The following ZNF395 variants were observed in gnomAD, a reference collection of about 807,000 sequenced individuals.
The protein encoded by ZNF395 is HD gene regulatory region-binding protein 2.
In ZNF395, 20 loss-of-function variants were observed where a neutral mutation model predicts 57.7. The ratio of observed to expected loss-of-function variants is 0.35; its 90% confidence interval spans 0.24 to 0.50. The LOEUF is 0.50. Ranked by LOEUF, ZNF395 falls within the 20% of genes least tolerant of loss-of-function variation. The pLI is 0.97. For missense variants in ZNF395, 606 were observed against 671.2 expected (o/e 0.90, Z 1.07); for synonymous variants, 295 against 275.9 (o/e 1.07, Z -0.69).
intron 1 of ZNF395, among the ~76,000 whole-genome samples, chr8:28,369,655 A>G (rs1378143288): frequency 1.3e-5 from 2 of 152,112 alleles, no homozygotes; most frequent in Non-Finnish European, 2.9e-5. Context: ...CCTGAATCTC[A>G]GCCTTGGGGC....
chr8:28,372,348 T>C (rs1801987435), intron 1 of ZNF395, among the ~76,000 whole-genome samples: 1 of 152,034 alleles, frequency 6.6e-6, no homozygotes, highest in Admixed American at 6.6e-5. Context: ...GCGCGATAAA[T>C]GCTGACCTGA....
intron 1 of ZNF395, chr8:28,385,123 C>G (rs2130006064): frequency 6.6e-6 from 1 of 152,376 alleles, no homozygotes; most frequent in African/African-American, 2.4e-5. Flanking sequence ...AAAGGGGGTT[C>G]TAAGAAAAGC....
intron 3 of ZNF395, among the ~76,000 whole-genome samples, chr8:28,358,178 G>A (rs1801805735): frequency 9.3e-6 from 1 of 106,988 alleles, no homozygotes; most frequent in Non-Finnish European, 1.8e-5. Flanking sequence ...TTTTTGAGAT[G>A]CAGTCTCACT....
At chr8:28,353,070 ACTAT>A (rs1398482949) in intron 5 of ZNF395, 99 bp downstream of exon 5, 1 of 1,081,446 alleles carries the variant, frequency 9.2e-7, no homozygotes, top group African/African-American at 1.6e-5. Context: ...TGAACCCAAG[ACTAT>A]CTAGGGCCTG....
rs1457672300 is a variant in ZNF395 at position 28,345,672 on chromosome 8, A to G, written c.*3047T>C. 1 of 152,238 alleles carries G rather than the reference A, an allele frequency of 6.6e-6. No individual in the cohort carries two copies. Among genetic ancestry groups the G allele is most frequent in the Admixed American group, 6.6e-5 (1 of 15,226 alleles). The allele number at this position is 152,238 out of a possible 1,614,324, so 9.4% of individuals were successfully genotyped here. The stretch of plus-strand genomic sequence containing the variant: ...ACATTACATTTCACATTTTTAAAAA[A>G]TTTTTTAACAGTAAAAATAATACTT... On this transcript the variant is annotated 3_prime_UTR_variant, in exon 10 of 10. Coordinates refer to ENST00000344423, the MANE Select transcript of ZNF395 (RefSeq NM_018660.3).
At chr8:28,354,210 C>T (rs116860912) in intron 4 of ZNF395, among the ~76,000 whole-genome samples, 16 of 152,296 alleles carry the variant, frequency 1.1e-4, no homozygotes, top group Admixed American at 6.5e-4. Context: ...AGCAGGAGGA[C>T]GGGCATCAGC....
chr8:28,358,259 G>A (rs58738185), intron 3 of ZNF395, among the ~76,000 whole-genome samples: 15,387 of 148,108 alleles, frequency 0.1, 993 homozygotes, highest in East Asian at 0.3. Flanking sequence ...ACAGGCATGC[G>A]CCACCATGCC....
intron 2 of ZNF395, among the ~76,000 whole-genome samples, chr8:28,360,086 T>C (rs1368702485): frequency 6.6e-6 from 1 of 152,228 alleles, no homozygotes; most frequent in Non-Finnish European, 1.5e-5. Flanking sequence ...GGACTTTCTC[T>C]GAATCTAGAA....
At chr8:28,382,962 T>A (rs1585867850) in intron 1 of ZNF395, among the ~76,000 whole-genome samples, 1 of 152,222 alleles carries the variant, frequency 6.6e-6, no homozygotes, top group East Asian at 1.9e-4. Flanking sequence ...TTTATATACA[T>A]GATTGTATGT....
At chr8:28,367,939 A>T (rs139440182) in intron 1 of ZNF395, among the ~76,000 whole-genome samples, 153 of 152,320 alleles carry the variant, frequency 1.0e-3, no homozygotes, top group African/African-American at 3.6e-3. Context: ...AAACAGGTAG[A>T]CAGAAGGAAG....
chr8:28,379,642 G>A (rs980162620), intron 1 of ZNF395, among the ~76,000 whole-genome samples: 1 of 152,014 alleles, frequency 6.6e-6, no homozygotes, highest in Non-Finnish European at 1.5e-5. Flanking sequence ...TGCCAACCTG[G>A]GGTCAAAGAC....
chr8:28,369,667 C>G (rs997328826), intron 1 of ZNF395, among the ~76,000 whole-genome samples: 4 of 152,254 alleles, frequency 2.6e-5, no homozygotes, highest in Non-Finnish European at 5.9e-5. Context: ...CCTTGGGGCC[C>G]TGCCCTCAAG....
intron 3 of ZNF395, among the ~76,000 whole-genome samples, chr8:28,358,206 T>G (rs1411513707): frequency 1.3e-5 from 2 of 149,668 alleles, no homozygotes; most frequent in Admixed American, 1.3e-4. Context: ...CCAGGTTGGC[T>G]TCAAGCAGTT....
At chr8:28,358,624 T>C (rs547867171) in intron 3 of ZNF395, among the ~76,000 whole-genome samples, 1 of 150,618 alleles carries the variant, frequency 6.6e-6, no homozygotes, top group East Asian at 2.0e-4. Context: ...TTTTGTAGAG[T>C]CAAAGTTTCC....
chr8:28,379,102 G>A (rs1802079797), intron 1 of ZNF395, among the ~76,000 whole-genome samples: 3 of 152,202 alleles, frequency 2.0e-5, no homozygotes. Flanking sequence ...GAGTAAAAAT[G>A]AACGTCTCCT....
chr8:28,382,695 G>GT (rs1802123583), intron 1 of ZNF395, among the ~76,000 whole-genome samples: 1 of 152,168 alleles, frequency 6.6e-6, no homozygotes, highest in African/African-American at 2.4e-5. Context: ...CAAAGAGACT[G>GT]TAAGTCTTCC....
At position 28,369,542 on chromosome 8, in the gene ZNF395, G is replaced by A. The variant is rs3735734; in HGVS notation, c.-58-8360C>T. 5.9e-5 allele frequency among the ~76,000 whole-genome samples: 9 copies of A among 152,320 alleles called. No individual in the cohort carries two copies. In the East Asian group the frequency reaches 1.7e-3, roughly 29 times the overall value. On this transcript the variant is annotated intron_variant, in intron 1 of 9. Coordinates refer to ENST00000344423, the MANE Select transcript of ZNF395 (RefSeq NM_018660.3). The stretch of plus-strand genomic sequence containing the variant: ...CACTAAGTCAGACTGCTCTGGCCCT[G>A]GAGCCAAAGCCAGTGACCGACCCCT...
chr8:28,361,204 C>T, intron 1 of ZNF395, 22 bp from the exon 2 acceptor site: 1 of 1,595,058 alleles, frequency 6.3e-7, no homozygotes, highest in Non-Finnish European at 8.5e-7. Flanking sequence ...AGGAAGCTTT[C>T]AGGAGGGAGC....
Position 28,348,114 on chromosome 8 carries a change from T to TA in ZNF395, c.*604dup, listed in dbSNP as rs1801630012. 1 of 152,234 alleles carries TA rather than the reference T, an allele frequency of 6.6e-6. No homozygotes were observed. The allele number at this position is 152,234 out of a possible 1,614,324, so 9.4% of individuals were successfully genotyped here. On this transcript the variant is annotated 3_prime_UTR_variant, in exon 10 of 10. Transcript: ENST00000344423. ...CCCAATGTCTGAGGGAACCCAGATT[T>TA]AAGTCGTCACCAAGAAAGGGATTTC... is the stretch of plus-strand genomic sequence containing the variant.
Sources: gnomAD v4.1 joint callset for allele counts (sites outside exome capture counted in the v4.1 genomes callset) on GRCh38, gnomAD v4.1.1 for gene constraint, MANE v1.5 for transcripts, NCBI Gene and HGNC (gene_info 2026-07-23, HGNC 2026-07-21) for gene names.